The following ROBO1 variants were observed in gnomAD, a reference collection of about 807,000 sequenced individuals.
ROBO1 encodes roundabout homolog 1.
Under a neutral mutation model 195.9 loss-of-function variants are expected in ROBO1, and 149 were observed. That is an observed-to-expected ratio of 0.76 (90% confidence interval 0.67 to 0.87). ROBO1 has a LOEUF of 0.87. Among genes scored for constraint, ROBO1 ranks in the 40% least tolerant of loss-of-function variants. The probability of loss-of-function intolerance (pLI) is 0.00; values close to 1 mark genes in which losing one functional copy is unlikely to be tolerated. For missense variants in ROBO1, 1,933 were observed against 2,068.3 expected (o/e 0.93, Z 1.27); for synonymous variants, 816 against 733.2 (o/e 1.11, Z -1.82).
At chr3:79,051,228 C>A (rs920751306) in intron 3 of ROBO1, among the ~76,000 whole-genome samples, 2 of 152,112 alleles carry the variant, frequency 1.3e-5, no homozygotes, top group African/African-American at 4.8e-5. Flanking sequence ...AAGGGGATAT[C>A]ACCACAGATC....
chr3:79,700,365 TTTA>T (rs1468809236), intron 1 of ROBO1, among the ~76,000 whole-genome samples: 2 of 145,270 alleles, frequency 1.4e-5, no homozygotes, highest in African/African-American at 5.0e-5. Context: ...GGGAGAACAA[TTTA>T]TTTTCTTTTG....
intron 1 of ROBO1, among the ~76,000 whole-genome samples, chr3:79,641,162 C>G (rs1945647455): frequency 6.6e-6 from 1 of 152,088 alleles, no homozygotes; most frequent in African/African-American, 2.4e-5. Context: ...CTCAAACTTT[C>G]TACTGTCCCA....
At chr3:79,524,763 T>C (rs1019956255) in intron 2 of ROBO1, among the ~76,000 whole-genome samples, 27 of 152,156 alleles carry the variant, frequency 1.8e-4, no homozygotes, top group African/African-American at 6.0e-4. Context: ...GTTCATATTG[T>C]ATCATAATGC....
In ROBO1 at chr3:78,664,047, T is replaced by C. The variant is rs578088994; in HGVS notation, c.1967-1933A>G. Among the ~76,000 whole-genome samples, 20 of 152,218 alleles carry C rather than the reference T, an allele frequency of 1.3e-4. No homozygotes were observed. The South Asian group carries it at 3.7e-3, about 28-fold the overall frequency. On this transcript the variant is annotated intron_variant, in intron 14 of 30. Coordinates refer to ENST00000464233, the MANE Select transcript of ROBO1 (RefSeq NM_002941.4). Reference sequence around the variant, plus strand: ...GCTAGATTCTCCCACCTAGTACCCATGACAGCAACAGCAGTCTATAACATT... The same window carrying C: ...GCTAGATTCTCCCACCTAGTACCCACGACAGCAACAGCAGTCTATAACATT...
At chr3:78,966,103 C>T (rs1414935751) in intron 3 of ROBO1, among the ~76,000 whole-genome samples, 1 of 152,110 alleles carries the variant, frequency 6.6e-6, no homozygotes, top group Non-Finnish European at 1.5e-5. Context: ...GTGAACTGAG[C>T]AAGCAAGGGA....
At chr3:79,410,793 C>A (rs2037736768) in intron 2 of ROBO1, among the ~76,000 whole-genome samples, 1 of 152,114 alleles carries the variant, frequency 6.6e-6, no homozygotes, top group Non-Finnish European at 1.5e-5. Context: ...CAAGTGAAAT[C>A]TCTGATTGTT....
At chr3:78,687,927 A>G (rs1253984400) in intron 9 of ROBO1, among the ~76,000 whole-genome samples, 1 of 152,168 alleles carries the variant, frequency 6.6e-6, no homozygotes, top group African/African-American at 2.4e-5. Flanking sequence ...CACTGTGCCC[A>G]GCCGCGTTTT....
At chr3:79,686,607 C>T (rs1947122188) in intron 1 of ROBO1, among the ~76,000 whole-genome samples, 1 of 152,120 alleles carries the variant, frequency 6.6e-6, no homozygotes, top group African/African-American at 2.4e-5. Context: ...TGAGTGAACT[C>T]CCATTCACAA....
chr3:79,241,371 C>T (rs911585268), intron 2 of ROBO1, among the ~76,000 whole-genome samples: 7 of 152,122 alleles, frequency 4.6e-5, no homozygotes, highest in African/African-American at 1.7e-4. Context: ...ATTCATACAT[C>T]CAGCACCTCA....
chr3:78,604,397 G>C (rs1703352147), intron 29 of ROBO1, among the ~76,000 whole-genome samples: 1 of 152,114 alleles, frequency 6.6e-6, no homozygotes, highest in South Asian at 2.1e-4. Context: ...CTTATAAGCA[G>C]GAATTGCTCC....
At position 78,598,533 on chromosome 3, in the gene ROBO1, T is replaced by TATC. The variant is rs1272301722; in HGVS notation, c.*377_*379dup. ...ATATCAACTTTCTATATTTGATCAA[T>TATC]ATCTTGCTATAAATTAGCTTGGCAT... On this transcript the variant is annotated 3_prime_UTR_variant, in exon 31 of 31. Transcript: ENST00000464233. 5.9e-6 allele frequency: 1 copy of TATC among 168,200 alleles called. No individual in the cohort carries two copies. The highest frequency in any genetic ancestry group is 1.3e-5 in the Non-Finnish European group (1 of 78,720). The allele number at this position is 168,200 out of a possible 1,614,324, so 10.4% of individuals were successfully genotyped here.
chr3:79,027,847 G>A (rs2078228093), intron 3 of ROBO1, among the ~76,000 whole-genome samples: 2 of 151,858 alleles, frequency 1.3e-5, no homozygotes, highest in Non-Finnish European at 2.9e-5. Context: ...ATATCTTGTT[G>A]TATATATCTT....
intron 3 of ROBO1, among the ~76,000 whole-genome samples, chr3:78,994,561 T>C (rs1381441520): frequency 6.6e-6 from 1 of 152,180 alleles, no homozygotes; most frequent in Non-Finnish European, 1.5e-5. Flanking sequence ...AAAAGAACTT[T>C]CAATTGGAAA....
At chr3:79,303,294 G>GTAGCTAGA (rs1458132796) in intron 2 of ROBO1, among the ~76,000 whole-genome samples, 2 of 150,610 alleles carry the variant, frequency 1.3e-5, no homozygotes, top group African/African-American at 4.9e-5. Flanking sequence ...AGCCTCCCAA[G>GTAGCTAGA]TAGCTAGAAC....
chr3:79,733,545 G>T (rs1216567492), intron 1 of ROBO1, among the ~76,000 whole-genome samples: 1 of 152,090 alleles, frequency 6.6e-6, no homozygotes, highest in East Asian at 1.9e-4. Context: ...CTAAAGATGG[G>T]CTGAATTGGA....
intron 2 of ROBO1, among the ~76,000 whole-genome samples, chr3:79,361,236 C>CT (rs34130438): frequency 4.6e-5 from 7 of 151,710 alleles, no homozygotes; most frequent in South Asian, 2.1e-4. Flanking sequence ...TATAACGTAT[C>CT]TTTTTTTCAA....
At chr3:79,601,081 A>G (rs1457538128) in intron 1 of ROBO1, among the ~76,000 whole-genome samples, 1 of 151,958 alleles carries the variant, frequency 6.6e-6, no homozygotes, top group Non-Finnish European at 1.5e-5. Context: ...GAACGAAGTA[A>G]TCAGGCTTCT....
At chr3:79,073,396 T>C (rs2079120140) in intron 3 of ROBO1, among the ~76,000 whole-genome samples, 1 of 151,828 alleles carries the variant, frequency 6.6e-6, no homozygotes, top group East Asian at 2.0e-4. Flanking sequence ...TCTGTGGGAG[T>C]GCTCTAAATG....
intron 1 of ROBO1, among the ~76,000 whole-genome samples, chr3:79,603,433 G>A (rs1326385557): frequency 6.6e-6 from 1 of 151,942 alleles, no homozygotes; most frequent in Non-Finnish European, 1.5e-5. Context: ...CTATTCTGGA[G>A]AGTTACCCCT....
Sources: gnomAD v4.1 joint callset for allele counts (sites outside exome capture counted in the v4.1 genomes callset) on GRCh38, gnomAD v4.1.1 for gene constraint, MANE v1.5 for transcripts, NCBI Gene and HGNC (gene_info 2026-07-23, HGNC 2026-07-21) for gene names.